Variants in INTS11 observed in about 807,000 individuals in gnomAD.
The protein encoded by INTS11 is CPSF3-like protein.
In INTS11, 77 loss-of-function variants were observed where a neutral mutation model predicts 78.6. That is an observed-to-expected ratio of 0.98 (90% CI 0.81 to 1.18). INTS11 has a LOEUF of 1.18. Ranked by LOEUF, INTS11 falls within the 50% of genes most tolerant of loss-of-function variation. The probability of loss-of-function intolerance (pLI) is 0.00; values close to 1 mark genes in which losing one functional copy is unlikely to be tolerated. For synonymous variants in INTS11, 441 were observed against 326.9 expected (o/e 1.35, Z -3.77); for missense variants, 875 against 825.9 (o/e 1.06, Z -0.73).
In INTS11 at chr1:1,314,566, CAGA is replaced by C; in HGVS notation, c.703-204_703-202del. On this transcript the variant is annotated intron_variant, in intron 7 of 16. Transcript: ENST00000435064. The surrounding 1 kb of genome is among the most constrained non-coding windows in gnomAD (Gnocchi z 4.2). ...AGACAGGAGGGAGCCGCATGAGAGA[CAGA>C]AGGGAGCTGCATGAGAGACAGAAGG... The C allele has an allele frequency of 1.6e-6, 1 of 632,142 alleles. No individual in the cohort carries two copies. Among genetic ancestry groups the C allele is most frequent in the Non-Finnish European group, 2.7e-6 (1 of 366,886 alleles). 39.2% of individuals were successfully genotyped at this position (632,142 alleles called of 1,614,324 possible).
chr1:1,320,717 C>T (rs899375457), intron 2 of INTS11, 188 bp from the exon 3 acceptor site: 1 of 732,456 alleles, frequency 1.4e-6, no homozygotes, highest in African/African-American at 1.7e-5. Flanking sequence ...GAGGTTACCC[C>T]CAACCTCACT....
At chr1:1,311,955 T>A (rs761808624) in intron 16 of INTS11, 31 bp from the exon 17 acceptor site, 9 of 1,593,034 alleles carry the variant, frequency 5.6e-6, no homozygotes, top group Non-Finnish European at 7.7e-6. Flanking sequence ...TTGTGGGTGG[T>A]GCAGGACAGG....
In INTS11 at chr1:1,311,809, T is replaced by C. The variant is rs780654498; in HGVS notation, c.*50A>G. The C allele has an allele frequency of 2.6e-5, 39 of 1,511,210 alleles. 2 individuals carry two copies. The South Asian group carries it at 4.4e-4, about 17-fold the overall frequency. The allele number at this position is 1,511,210 out of a possible 1,614,324, so 93.6% of individuals were successfully genotyped here. A position where few individuals can be genotyped will look rare whatever the true frequency, so the allele number is the denominator to read the frequency against. On this transcript the variant is annotated 3_prime_UTR_variant, in exon 17 of 17. Coordinates refer to ENST00000435064, the MANE Select transcript of INTS11 (RefSeq NM_017871.6). ...ACAGTCCTGAAGTGCAGGCCCAGGG[T>C]CTGTCCAGCTGGGAGAGGGCAGAGG... is the stretch of plus-strand genomic sequence containing the variant.
At chr1:1,315,301 G>T in intron 6 of INTS11, 103 bp downstream of exon 6, 1 of 1,395,562 alleles carries the variant, frequency 7.2e-7, no homozygotes, top group Non-Finnish European at 1.0e-6. Flanking sequence ...GGACATGGGA[G>T]ACACTGCCAG....
In INTS11 at chr1:1,320,447, G is replaced by C. The variant is rs1184492276; in HGVS notation, c.200+9C>G. ...CATGGGACCCTCAAGGCCCCCAACA[G>C]GAACCCACCTAATGATCACACAGTC... is the stretch of plus-strand genomic sequence containing the variant. On this transcript the variant is annotated intron_variant, in intron 3 of 16. Transcript: ENST00000435064. 2.5e-6 allele frequency: 4 copies of C among 1,613,604 alleles called. No homozygotes were observed. The highest frequency in any genetic ancestry group is 4.5e-5 in the East Asian group (2 of 44,872).
chr1:1,312,196 A>AGGGGGG (rs767334657), intron 15 of INTS11, 30 bp downstream of exon 15: 24 of 1,137,800 alleles, frequency 2.1e-5, no homozygotes, highest in East Asian at 9.3e-5. Context: ...GGCCCAAGGG[A>AGGGGGG]GTGGGGGGGG....
At position 1,311,898 on chromosome 1, in the gene INTS11, T is replaced by C; in HGVS notation, c.1764A>G (p.Thr588=). The change falls in exon 17 of 17, where the codon ACA becomes ACG. Residue 588 remains threonine (T), a synonymous_variant. Transcript: ENST00000435064. ...YQDEELGSFL[T]SLLKKGLPQA... The stretch of plus-strand genomic sequence containing the variant: ...GGGGGAGGCCCTTCTTCAGCAGAGA[T>C]GTGAGGAAGCTCCCCAGCTCCTCGT... 1.3e-6 allele frequency: 2 copies of C among 1,573,576 alleles called. No individual in the cohort carries two copies. The highest frequency in any genetic ancestry group is 1.7e-6 in the Non-Finnish European group (2 of 1,158,954).
At chr1:1,315,920 G>A (rs569072670) in intron 4 of INTS11, among the ~76,000 whole-genome samples, 1 of 152,156 alleles carries the variant, frequency 6.6e-6, no homozygotes, top group Non-Finnish European at 1.5e-5. Context: ...GTTCACAAGG[G>A]ACGGGCAACG....
chr1:1,312,093 C>T lies in INTS11; in HGVS notation c.1662G>A (p.Glu554=), dbSNP rs775226496. ...GGGCGGCGGCCTGGAGGAGGACGGA[C>T]TCCACAGTCACAGAGCCGTCTGGGA... ...QHLPDGSVTV[E]SVLLQAAAPS... Residue 554 remains glutamate, a synonymous_variant, in exon 16 of 17, where the codon GAG becomes GAA. Coordinates refer to ENST00000435064, the MANE Select transcript of INTS11 (RefSeq NM_017871.6). The T allele has an allele frequency of 1.3e-6, 2 of 1,577,192 alleles. No homozygotes were observed. The highest frequency in any genetic ancestry group is 1.2e-5 in the South Asian group (1 of 86,754).
At chr1:1,319,252 G>A (rs758468505) in intron 4 of INTS11, 44 bp downstream of exon 4, 1 of 1,489,912 alleles carries the variant, frequency 6.7e-7, no homozygotes, top group South Asian at 1.1e-5. Context: ...GGTTGGTGTG[G>A]GGGTGGGCAG....
intron 2 of INTS11, 91 bp from the exon 3 acceptor site, chr1:1,320,620 G>A (rs1297485113): frequency 2.3e-6 from 3 of 1,279,862 alleles, no homozygotes; most frequent in East Asian, 2.3e-5. Context: ...CCCAGGAAGG[G>A]GGGTTCTATG....
intron 3 of INTS11, 25 bp from the exon 4 acceptor site, chr1:1,319,549 C>T: frequency 6.6e-7 from 1 of 1,512,772 alleles, no homozygotes; most frequent in Non-Finnish European, 9.0e-7. Flanking sequence ...CACAGGTCAG[C>T]CTGGGCCCAC....
At position 1,314,591 on chromosome 1, in the gene INTS11, A is replaced by G. The variant is rs544094502; in HGVS notation, c.703-226T>C. The G allele has an allele frequency of 1.3e-5, 8 of 637,100 alleles. No homozygotes were observed. Among genetic ancestry groups the G allele is most frequent in the East Asian group, 2.8e-5 (1 of 36,022 alleles). The allele number at this position is 637,100 out of a possible 1,614,324, so 39.5% of individuals were successfully genotyped here. A position where few individuals can be genotyped will look rare whatever the true frequency, so the allele number is the denominator to read the frequency against. On this transcript the variant is annotated intron_variant, in intron 7 of 16. Transcript: ENST00000435064. This position sits in a 1 kb window ranked among gnomAD's most constrained non-coding sequence, Gnocchi z 4.2. ...CAGAAGGGAGCTGCATGAGAGACAG[A>G]AGGAGCCTGGCCAGGGCTTCGTCCG...
chr1:1,321,812 G>T, intron 1 of INTS11: 1 of 921,804 alleles, frequency 1.1e-6, no homozygotes. Flanking sequence ...CATGTGGCCT[G>T]GGGGCCCGAG....
chr1:1,315,506 G>A lies in INTS11; in HGVS notation c.528+14C>T, dbSNP rs1227747235. On this transcript the variant is annotated intron_variant, in intron 5 of 16. Transcript: ENST00000435064. The stretch of plus-strand genomic sequence containing the variant: ...CCCAGCAGCCCCTCCCAAGCCTCAA[G>A]CCCTTCCACTGACCGTGTAGACCAC... 3 of 1,611,952 alleles carry A rather than the reference G, an allele frequency of 1.9e-6. No individual in the cohort carries two copies. The highest frequency in any genetic ancestry group is 1.7e-5 in the Admixed American group (1 of 59,900).
chr1:1,313,324 G>T, intron 10 of INTS11, 185 bp downstream of exon 10: 2 of 883,184 alleles, frequency 2.3e-6, no homozygotes, highest in Middle Eastern at 2.8e-4. Flanking sequence ...TCTGCCCGAG[G>T]TGGACAAGCT....
In INTS11 at chr1:1,314,121, A is replaced by G; in HGVS notation, c.767+180T>C. On this transcript the variant is annotated intron_variant, in intron 8 of 16. Coordinates refer to ENST00000435064, the MANE Select transcript of INTS11 (RefSeq NM_017871.6). The surrounding 1 kb of genome is among the most constrained non-coding windows in gnomAD (Gnocchi z 4.2). ...CCAGGAACCCCTACAAGAGCCGCAC[A>G]CGGTGGCGCTGACGGGATGTCACAG... is the stretch of plus-strand genomic sequence containing the variant. 2 of 762,200 alleles carry G rather than the reference A, an allele frequency of 2.6e-6. No individual in the cohort carries two copies. The highest frequency in any genetic ancestry group is 2.7e-5 in the East Asian group (1 of 37,128). The allele number at this position is 762,200 out of a possible 1,614,324, so 47.2% of individuals were successfully genotyped here.
Position 1,311,838 on chromosome 1 carries a change from C to A in INTS11, c.*21G>T. ...TCCAGCTGGGAGAGGGCAGAGGTGG[C>A]GGCTGGGTGAGTTGCCGGCCTCAGC... On this transcript the variant is annotated 3_prime_UTR_variant, in exon 17 of 17. Coordinates refer to ENST00000435064, the MANE Select transcript of INTS11 (RefSeq NM_017871.6). 6.5e-7 allele frequency: 1 copy of A among 1,537,246 alleles called. No homozygotes were observed. The highest frequency in any genetic ancestry group is 8.8e-7 in the Non-Finnish European group (1 of 1,141,916).
Position 1,313,132 on chromosome 1 carries a change from C to A in INTS11, c.1042-8G>T. ...GTAGCCGGGCATGATGACCTGGGGGCAGGCACAGAGCTCACAGCCAGGGAA... is the reference window on the plus strand; with the variant it reads ...GTAGCCGGGCATGATGACCTGGGGGAAGGCACAGAGCTCACAGCCAGGGAA... On this transcript the variant is annotated splice_region_variant and splice_polypyrimidine_tract_variant and intron_variant, in intron 10 of 16. Coordinates refer to ENST00000435064, the MANE Select transcript of INTS11 (RefSeq NM_017871.6). 1 of 1,603,896 alleles carries A rather than the reference C, an allele frequency of 6.2e-7. No individual in the cohort carries two copies. Among genetic ancestry groups the A allele is most frequent in the Non-Finnish European group, 8.5e-7 (1 of 1,178,572 alleles).
Sources: gnomAD v4.1 joint callset for allele counts (sites outside exome capture counted in the v4.1 genomes callset) on GRCh38, gnomAD v4.1.1 for gene constraint, Gnocchi (gnomAD v3.1) non-coding constraint, MANE v1.5 for transcripts, NCBI Gene and HGNC (gene_info 2026-07-23, HGNC 2026-07-21) for gene names.